The following PDZK1 variants were observed in gnomAD, a reference collection of about 807,000 sequenced individuals.
PDZK1 encodes the protein PDZ domain containing 1, also known as Na(+)/H(+) exchange regulatory cofactor NHE-RF3.
A neutral mutation model predicts 38.1 loss-of-function variants in PDZK1; 23 were observed. The ratio of observed to expected loss-of-function variants is 0.60; its 90% CI spans 0.43 to 0.85. The LOEUF is 0.85. Among genes scored for constraint, PDZK1 ranks in the 40% least tolerant of loss-of-function variants. The pLI is 0.00. For synonymous variants in PDZK1, 98 were observed against 186.2 expected (o/e 0.53, Z 3.86); for missense variants, 297 against 504.3 (o/e 0.59, Z 3.94).
At chr1:145,684,637 A>T (rs1654592603) in intron 3 of PDZK1, among the ~76,000 whole-genome samples, 1 of 152,128 alleles carries the variant, frequency 6.6e-6, no homozygotes, top group African/African-American at 2.4e-5. Context: ...TTGAACATTT[A>T]TCATTTCTTT....
At chr1:145,675,397 G>T (rs1281211828) in intron 6 of PDZK1, among the ~76,000 whole-genome samples, 6 of 141,222 alleles carry the variant, frequency 4.2e-5, no homozygotes, top group African/African-American at 1.6e-4. Context: ...ACTTCAAATC[G>T]CACTGTTTAG....
At chr1:145,700,180 G>A (rs1655881468) in intron 1 of PDZK1, among the ~76,000 whole-genome samples, 1 of 152,210 alleles carries the variant, frequency 6.6e-6, no homozygotes, top group Non-Finnish European at 1.5e-5. Flanking sequence ...TCACTTCTGC[G>A]AAGCTAATTT....
At position 145,671,333 on chromosome 1, in the gene PDZK1, A is replaced by C; in HGVS notation, c.*103T>G. ...GGTTTCCAGTGGAGTTTTTCTTCTA[A>C]AGAGACAGTAAACAGGTCACAACTC... On this transcript the variant is annotated 3_prime_UTR_variant, in exon 9 of 9. Coordinates refer to ENST00000417171, the MANE Select transcript of PDZK1 (RefSeq NM_001201325.2). The C allele has an allele frequency of 1.9e-6, 3 of 1,581,852 alleles. No individual in the cohort carries two copies. In the African/African-American group the frequency reaches 4.0e-5, roughly 21 times the overall value.
At chr1:145,701,754 C>T (rs980576338) in intron 1 of PDZK1, among the ~76,000 whole-genome samples, 2 of 152,140 alleles carry the variant, frequency 1.3e-5, no homozygotes, top group Non-Finnish European at 2.9e-5. Flanking sequence ...GCAAAAAAAT[C>T]CTGCTGTATC....
chr1:145,699,278 C>T (rs1655818063), intron 1 of PDZK1, among the ~76,000 whole-genome samples: 1 of 152,050 alleles, frequency 6.6e-6, no homozygotes, highest in South Asian at 2.1e-4. Flanking sequence ...ATTAGCTGGG[C>T]GTGGTTGTGC....
chr1:145,680,964 C>T lies in PDZK1; in HGVS notation c.741G>A (p.Lys247=). 1 of 573,688 alleles carries T rather than the reference C, an allele frequency of 1.7e-6. No homozygotes were observed. The highest frequency in any genetic ancestry group is 2.1e-5 in the South Asian group (1 of 46,854). The allele number at this position is 573,688 out of a possible 1,614,324, so 35.5% of individuals were successfully genotyped here. The change falls in exon 5 of 9, where the codon AAG becomes AAA. Residue 247 remains lysine, a synonymous_variant. Transcript: ENST00000417171. The part of the protein sequence containing the change: ...LPHQPRIVEM[K]KGSNGYGFYL... Reference sequence around the variant, plus strand: ...AGAAACCATAGCCATTGCTTCCTTTCTTCATCTCCACAATTCGGGGCTGGT... The same window carrying T: ...AGAAACCATAGCCATTGCTTCCTTTTTTCATCTCCACAATTCGGGGCTGGT...
At chr1:145,704,701 A>C (rs1656156614) in intron 1 of PDZK1, among the ~76,000 whole-genome samples, 1 of 152,202 alleles carries the variant, frequency 6.6e-6, no homozygotes, top group African/African-American at 2.4e-5. Flanking sequence ...TCCCTCATGA[A>C]GGACCAAAGA....
intron 2 of PDZK1, 81 bp from the exon 3 acceptor site, chr1:145,686,807 T>G (rs1192818635): frequency 1.6e-5 from 11 of 684,296 alleles, no homozygotes; most frequent in Non-Finnish European, 2.7e-5. Flanking sequence ...TGGCTCAATA[T>G]CTGGCCCTGG....
chr1:145,672,064 A>G (rs1338907463), intron 8 of PDZK1, among the ~76,000 whole-genome samples: 4 of 152,176 alleles, frequency 2.6e-5, no homozygotes, highest in Non-Finnish European at 5.9e-5. Context: ...ATGAACTTGG[A>G]TAAGTCAGTT....
chr1:145,693,639 T>A (rs587637385), intron 1 of PDZK1, among the ~76,000 whole-genome samples: 1 of 151,950 alleles, frequency 6.6e-6, no homozygotes, highest in South Asian at 2.1e-4. Context: ...CCGGGCGTGG[T>A]GGCGGGCGCC....
At chr1:145,702,528 C>T (rs1656019065) in intron 1 of PDZK1, among the ~76,000 whole-genome samples, 1 of 152,024 alleles carries the variant, frequency 6.6e-6, no homozygotes, top group South Asian at 2.1e-4. Context: ...AAGAGTCTTG[C>T]CTCGAGACAA....
chr1:145,673,058 A>T (rs782528085), intron 7 of PDZK1, 38 bp from the exon 8 acceptor site: 248 of 1,408,656 alleles, frequency 1.8e-4, no homozygotes, highest in Non-Finnish European at 2.4e-4. Context: ...TTTCAAACAG[A>T]GAAGGGGACA....
chr1:145,699,505 G>C, intron 1 of PDZK1, among the ~76,000 whole-genome samples: 2 of 152,290 alleles, frequency 1.3e-5, no homozygotes, highest in Admixed American at 1.3e-4. Flanking sequence ...GGGCCAACAT[G>C]AATTGGCAGA....
chr1:145,702,993 T>C (rs937497765), intron 1 of PDZK1, among the ~76,000 whole-genome samples: 3 of 152,316 alleles, frequency 2.0e-5, no homozygotes, highest in South Asian at 4.1e-4. Flanking sequence ...AATTGGTCTA[T>C]GCATGGTCAC....
chr1:145,703,717 C>G (rs1295910737), intron 1 of PDZK1, among the ~76,000 whole-genome samples: 3 of 152,012 alleles, frequency 2.0e-5, no homozygotes, highest in Non-Finnish European at 2.9e-5. Flanking sequence ...GATCAGAGCA[C>G]AGTTATATGT....
At chr1:145,686,122 T>C (rs1284334488) in intron 3 of PDZK1, among the ~76,000 whole-genome samples, 1 of 152,086 alleles carries the variant, frequency 6.6e-6, no homozygotes, top group African/African-American at 2.4e-5. Flanking sequence ...TTGCCTTTTA[T>C]TCCTTATTCT....
chr1:145,686,920 T>G (rs1553701906), intron 2 of PDZK1, among the ~76,000 whole-genome samples, 194 bp from the exon 3 acceptor site: 1 of 152,030 alleles, frequency 6.6e-6, no homozygotes, highest in East Asian at 1.9e-4. Flanking sequence ...AGGCTGAGCT[T>G]CTGGCACTGC....
intron 1 of PDZK1, among the ~76,000 whole-genome samples, chr1:145,691,161 ATATT>A (rs1360399035): frequency 1.3e-5 from 2 of 152,202 alleles, no homozygotes; most frequent in African/African-American, 4.8e-5. Flanking sequence ...AACTGATTAA[ATATT>A]TAACGCCCCC....
At chr1:145,687,769 G>C in intron 2 of PDZK1, 43 bp downstream of exon 2, 1 of 1,492,038 alleles carries the variant, frequency 6.7e-7, no homozygotes, top group Non-Finnish European at 9.4e-7. Context: ...AGATGTGGGG[G>C]CTGAAGAGAT....
Sources: allele counts gnomAD v4.1 joint callset (sites outside exome capture counted in the v4.1 genomes callset), GRCh38; gene constraint gnomAD v4.1.1; transcripts MANE v1.5; gene names NCBI Gene and HGNC (gene_info 2026-07-23, HGNC 2026-07-21).